RSU1: variants seen among roughly 807,000 people sequenced by gnomAD.
The protein encoded by RSU1 is rsu-1.
RSU1 carries 26 observed loss-of-function variants against 31.1 expected under a neutral mutation model. The ratio of observed to expected loss-of-function variants is 0.84; its 90% CI spans 0.61 to 1.16. The LOEUF (loss-of-function observed/expected upper bound fraction) is 1.16, where lower values mean the gene tolerates loss of function less well. RSU1 is among the 50% of genes most tolerant of loss of function. The probability of loss-of-function intolerance (pLI) is 0.00; values close to 1 mark genes in which losing one functional copy is unlikely to be tolerated. For missense variants in RSU1, 320 were observed against 339.1 expected (o/e 0.94, Z 0.44); for synonymous variants, 164 against 136.3 (o/e 1.20, Z -1.41).
chr10:16,763,124 CAG>C (rs1471935440), intron 4 of RSU1, among the ~76,000 whole-genome samples: 2 of 152,162 alleles, frequency 1.3e-5, no homozygotes, highest in Non-Finnish European at 2.9e-5. Flanking sequence ...TGACTTTGCA[CAG>C]AGACTGCAGC....
chr10:16,624,206 A>ATG (rs199805315), intron 8 of RSU1, among the ~76,000 whole-genome samples: 3 of 140,420 alleles, frequency 2.1e-5, no homozygotes, highest in East Asian at 2.0e-4. Context: ...AAGCTTGCAC[A>ATG]TGTGTGTGTG....
At chr10:16,654,878 G>T (rs1267039347) in intron 8 of RSU1, among the ~76,000 whole-genome samples, 1 of 151,732 alleles carries the variant, frequency 6.6e-6, no homozygotes, top group Non-Finnish European at 1.5e-5. Flanking sequence ...GGGCAACATA[G>T]TGAGACCTCA....
At chr10:16,599,418 C>T (rs1833677942) in intron 8 of RSU1, among the ~76,000 whole-genome samples, 1 of 152,168 alleles carries the variant, frequency 6.6e-6, no homozygotes, top group South Asian at 2.1e-4. Context: ...CACTGCAGCT[C>T]TCTGCTCATG....
chr10:16,708,729 A>T (rs547100843), intron 7 of RSU1, among the ~76,000 whole-genome samples: 33 of 152,154 alleles, frequency 2.2e-4, no homozygotes, highest in Middle Eastern at 3.4e-3. Flanking sequence ...GTAGCTTGCC[A>T]TTTATTTGTG....
intron 2 of RSU1, among the ~76,000 whole-genome samples, chr10:16,816,308 C>G (rs1438510772): frequency 2.0e-5 from 3 of 152,146 alleles, no homozygotes; most frequent in Non-Finnish European, 4.4e-5. Context: ...AGTTCATAAC[C>G]GCCCCTGACC....
chr10:16,718,134 A>G (rs1210397249), intron 7 of RSU1, among the ~76,000 whole-genome samples: 1 of 151,618 alleles, frequency 6.6e-6, no homozygotes, highest in Non-Finnish European at 1.5e-5. Context: ...AAGAAAAGAA[A>G]AAGAAATAGA....
At chr10:16,740,447 G>A (rs1588505577) in intron 7 of RSU1, among the ~76,000 whole-genome samples, 1 of 152,310 alleles carries the variant, frequency 6.6e-6, no homozygotes, top group East Asian at 1.9e-4. Flanking sequence ...AGACAAGGAT[G>A]TCTGCTCTTG....
chr10:16,782,137 C>T (rs917977515), intron 2 of RSU1, 53 bp from the exon 3 acceptor site: 15 of 1,419,802 alleles, frequency 1.1e-5, no homozygotes, highest in Non-Finnish European at 1.4e-5. Flanking sequence ...TCACTGTATC[C>T]GGATTCTACC....
chr10:16,674,399 GT>G (rs79255856), intron 8 of RSU1, among the ~76,000 whole-genome samples: 31,787 of 139,830 alleles, frequency 0.23, 3,382 homozygotes, highest in Admixed American at 0.25. Context: ...GTCACGGAAG[GT>G]TTTTTTTTTT....
chr10:16,788,490 A>G (rs1351589879), intron 2 of RSU1, among the ~76,000 whole-genome samples: 2 of 152,210 alleles, frequency 1.3e-5, no homozygotes, highest in African/African-American at 4.8e-5. Flanking sequence ...GGGTGAGGAT[A>G]CAAGAAGGTG....
At chr10:16,660,771 C>G (rs1834874162) in intron 8 of RSU1, among the ~76,000 whole-genome samples, 1 of 150,668 alleles carries the variant, frequency 6.6e-6, no homozygotes, top group Admixed American at 6.6e-5. Flanking sequence ...CCTCAGCCTC[C>G]TAGTAGCTGG....
intron 8 of RSU1, among the ~76,000 whole-genome samples, chr10:16,641,724 C>T (rs1475083019): frequency 6.6e-6 from 1 of 152,186 alleles, no homozygotes; most frequent in Non-Finnish European, 1.5e-5. Flanking sequence ...AATTCTTCAA[C>T]TTCTGCTACT....
intron 7 of RSU1, among the ~76,000 whole-genome samples, chr10:16,747,155 C>T (rs1388925647): frequency 1.3e-5 from 2 of 152,242 alleles, no homozygotes; most frequent in African/African-American, 4.8e-5. Flanking sequence ...GGAGTCAGCC[C>T]GACCCATTAA....
chr10:16,696,983 C>G (rs755169739), intron 7 of RSU1, among the ~76,000 whole-genome samples: 1 of 151,974 alleles, frequency 6.6e-6, no homozygotes, highest in Non-Finnish European at 1.5e-5. Context: ...CATATAATTC[C>G]TTCATGGTTT....
intron 7 of RSU1, among the ~76,000 whole-genome samples, chr10:16,746,827 G>T (rs1427706218): frequency 6.6e-6 from 1 of 152,088 alleles, no homozygotes; most frequent in African/African-American, 2.4e-5. Flanking sequence ...AAAAAGGGGT[G>T]AAAGTTCAGT....
In RSU1 at chr10:16,601,892, G is replaced by A. The variant is rs190690808; in HGVS notation, c.732-8396C>T. Among the ~76,000 whole-genome samples, 260 of 152,242 alleles carry A rather than the reference G, an allele frequency of 1.7e-3. 2 individuals are homozygous for A. The highest frequency in any genetic ancestry group is 3.5e-3 in the Admixed American group (53 of 15,294). ...ATATCTTTCCAGAACCTCTGCCATC[G>A]GAACTGGAAAAGGGGAGTATTCGCT... On this transcript the variant is annotated intron_variant, in intron 8 of 8. Coordinates refer to ENST00000345264, the MANE Select transcript of RSU1 (RefSeq NM_012425.4).
At chr10:16,680,496 C>A (rs565943332) in intron 8 of RSU1, among the ~76,000 whole-genome samples, 2 of 152,136 alleles carry the variant, frequency 1.3e-5, no homozygotes, top group African/African-American at 4.8e-5. Context: ...TCAGGCTGTA[C>A]AAGAAGCATA....
intron 7 of RSU1, among the ~76,000 whole-genome samples, chr10:16,729,344 A>G (rs1336221636): frequency 3.3e-5 from 5 of 152,208 alleles, no homozygotes; most frequent in African/African-American, 9.6e-5. Flanking sequence ...TTATAATTCT[A>G]TTCACCTCCC....
chr10:16,711,269 C>T (rs1483028649), intron 7 of RSU1, among the ~76,000 whole-genome samples: 1 of 152,026 alleles, frequency 6.6e-6, no homozygotes, highest in Non-Finnish European at 1.5e-5. Flanking sequence ...CCTTTTCCAT[C>T]TCTGATTTTA....
Sources: allele counts gnomAD v4.1 joint callset (sites outside exome capture counted in the v4.1 genomes callset), GRCh38; gene constraint gnomAD v4.1.1; transcripts MANE v1.5; gene names NCBI Gene and HGNC (gene_info 2026-07-23, HGNC 2026-07-21).